Variants in LDLRAD4 observed in about 807,000 individuals in gnomAD.
LDLRAD4 encodes low-density lipoprotein receptor class A domain-containing protein 4.
LDLRAD4 carries 5 observed loss-of-function variants against 17.0 expected under a neutral mutation model. That is an observed-to-expected ratio of 0.29 (90% CI 0.15 to 0.62). The LOEUF is 0.62. LDLRAD4 is among the 20% of genes least tolerant of loss of function. The pLI is 0.84. For missense variants in LDLRAD4, 340 were observed against 424.7 expected (o/e 0.80, Z 1.75); for synonymous variants, 168 against 171.8 (o/e 0.98, Z 0.17).
At chr18:13,342,431 G>A (rs2082420912) in intron 1 of LDLRAD4, among the ~76,000 whole-genome samples, 1 of 125,476 alleles carries the variant, frequency 8.0e-6, no homozygotes, top group African/African-American at 3.0e-5. Flanking sequence ...TTATTTGGAT[G>A]TTCTGTTTCT....
chr18:13,449,184 T>C (rs1221289176), intron 3 of LDLRAD4, among the ~76,000 whole-genome samples: 1 of 152,024 alleles, frequency 6.6e-6, no homozygotes, highest in Non-Finnish European at 1.5e-5. Flanking sequence ...AGCGAGTGAG[T>C]CTGTCCTTTT....
chr18:13,282,494 G>T (rs1268856419), intron 1 of LDLRAD4, among the ~76,000 whole-genome samples: 1 of 152,192 alleles, frequency 6.6e-6, no homozygotes, highest in African/African-American at 2.4e-5. Flanking sequence ...GGGCTACAGG[G>T]CCTATGCAAG....
intron 1 of LDLRAD4, among the ~76,000 whole-genome samples, chr18:13,254,395 G>A (rs545080170): frequency 2.1e-4 from 32 of 152,300 alleles, no homozygotes; most frequent in African/African-American, 7.5e-4. Flanking sequence ...ACTGGGCCAC[G>A]GTCTGGAGAC....
In LDLRAD4 at chr18:13,633,127, G is replaced by A. The variant is rs189616362; in HGVS notation, c.337-10232G>A. The stretch of plus-strand genomic sequence containing the variant: ...AGGTCATGCCAATAAGTGTCTAGCC[G>A]TCAGTGGAGAGGAGACCTGCAGTGA... On this transcript the variant is annotated intron_variant, in intron 4 of 5. Coordinates refer to ENST00000359446, the Ensembl canonical transcript of LDLRAD4. 2.0e-3 allele frequency among the ~76,000 whole-genome samples: 302 copies of A among 152,356 alleles called. 2 individuals are homozygous for A. The highest frequency in any genetic ancestry group is 6.8e-3 in the Middle Eastern group (2 of 294).
At chr18:13,470,054 C>T (rs1455484552) in intron 3 of LDLRAD4, among the ~76,000 whole-genome samples, 1 of 152,176 alleles carries the variant, frequency 6.6e-6, no homozygotes, top group Non-Finnish European at 1.5e-5. Flanking sequence ...AGTTTTATTT[C>T]TCCTTCTCCA....
intron 3 of LDLRAD4, among the ~76,000 whole-genome samples, chr18:13,597,365 T>A (rs956962888): frequency 2.0e-5 from 3 of 152,230 alleles, no homozygotes; most frequent in African/African-American, 7.2e-5. Flanking sequence ...TCAGCATTTT[T>A]ACCATGATGT....
rs547167662 is a variant in LDLRAD4, at chr18:13,287,495, C to T, written c.-383+9307C>T. ...TTGTATCTGATAAAGAGAAACTACC[C>T]GGTGCTTCCCTCTGGAGAGTGGGTG... On this transcript the variant is annotated intron_variant, in intron 1 of 5. Coordinates refer to ENST00000359446, the Ensembl canonical transcript of LDLRAD4. Among the ~76,000 whole-genome samples, 12 of 152,264 alleles carry T rather than the reference C, an allele frequency of 7.9e-5. 1 individual carries two copies. The South Asian group carries it at 1.9e-3, about 24-fold the overall frequency.
At chr18:13,489,950 C>T (rs954273739) in intron 3 of LDLRAD4, 1 of 152,124 alleles carries the variant, frequency 6.6e-6, no homozygotes, top group African/African-American at 2.4e-5. Context: ...ATCTCTTTTT[C>T]TTCTGTAAAT....
At chr18:13,602,584 C>T (rs1396848766) in intron 3 of LDLRAD4, among the ~76,000 whole-genome samples, 3 of 150,154 alleles carry the variant, frequency 2.0e-5, no homozygotes, top group East Asian at 1.9e-4. Flanking sequence ...TTGCAACCTC[C>T]GCCTCCCGGG....
intron 3 of LDLRAD4, among the ~76,000 whole-genome samples, chr18:13,493,175 G>A (rs904069515): frequency 1.3e-5 from 2 of 152,118 alleles, no homozygotes; most frequent in Non-Finnish European, 2.9e-5. Context: ...TTGACATATT[G>A]CCTACAGCCA....
intron 3 of LDLRAD4, chr18:13,471,174 T>C (rs1600606927): frequency 1.3e-5 from 2 of 152,276 alleles, no homozygotes; most frequent in East Asian, 3.9e-4. Flanking sequence ...TGGCTTGTGA[T>C]TGGGCCCCAA....
At chr18:13,612,598 C>A in intron 3 of LDLRAD4, 2 of 1,551,586 alleles carry the variant, frequency 1.3e-6, no homozygotes, top group Non-Finnish European at 1.7e-6. Flanking sequence ...CCAGCTATAA[C>A]TGCAGCTCTG....
chr18:13,450,334 C>CCG (rs1568173405), intron 3 of LDLRAD4, among the ~76,000 whole-genome samples: 6 of 124,864 alleles, frequency 4.8e-5, no homozygotes, highest in Non-Finnish European at 8.8e-5. Flanking sequence ...CCACCCCCCC[C>CCG]CCCAAAAAAA....
At chr18:13,235,992 T>C (rs1213695829) in intron 1 of LDLRAD4, among the ~76,000 whole-genome samples, 2 of 152,254 alleles carry the variant, frequency 1.3e-5, no homozygotes, top group Non-Finnish European at 2.9e-5. Flanking sequence ...TTCCTGTTTT[T>C]ATAATGAGAA....
chr18:13,387,492 G>A (rs1005279101), exon 2 of LDLRAD4: 4 of 476,506 alleles, frequency 8.4e-6, no homozygotes, highest in African/African-American at 2.1e-5. Context: ...TGGCCTCCGC[G>A]CCCTGGCTGG....
intron 2 of LDLRAD4, among the ~76,000 whole-genome samples, chr18:13,434,177 TTG>T (rs10601464): frequency 0.38 from 57,285 of 151,400 alleles, 12,018 homozygotes; most frequent in Non-Finnish European, 0.48. Context: ...GTGGAGAAGA[TTG>T]TGTTATTACC....
chr18:13,629,785 A>G lies in LDLRAD4; in HGVS notation c.336+8514A>G, dbSNP rs2041500075. Among the ~76,000 whole-genome samples the G allele has an allele frequency of 2.6e-5, 4 of 151,826 alleles. No individual in the cohort carries two copies. The South Asian group carries it at 8.3e-4, about 32-fold the overall frequency. On this transcript the variant is annotated intron_variant, in intron 4 of 5. Coordinates refer to ENST00000359446, the Ensembl canonical transcript of LDLRAD4. ...TTGGTGTGGTTTGTTCTGAAAAAAA[A>G]AAAGAGAAGAAGATTAAAAATTATC...
chr18:13,370,719 T>TTTTTTTTTTGTTTG lies in LDLRAD4; in HGVS notation c.-382-16612_-382-16611insTTTGTTTTTTTTTG, dbSNP rs1555663311. ...TTTCATGGTTTTTTGTTTTGTTTTT[T>TTTTTTTTTTGTTTG]TTTTTTTTTGAGATGGATTCTTGCT... On this transcript the variant is annotated intron_variant, in intron 1 of 5. Coordinates refer to ENST00000359446, the Ensembl canonical transcript of LDLRAD4. 1.1e-4 allele frequency among the ~76,000 whole-genome samples: 16 copies of TTTTTTTTTTGTTTG among 144,912 alleles called. 1 individual carries two copies. The highest frequency in any genetic ancestry group is 4.5e-4 in the South Asian group (2 of 4,484).
intron 3 of LDLRAD4, among the ~76,000 whole-genome samples, chr18:13,454,517 A>G (rs544194749): frequency 2.9e-4 from 44 of 152,100 alleles, no homozygotes; most frequent in African/African-American, 9.9e-4. Flanking sequence ...CTCACTCCTT[A>G]TTTTCGTGCT....
Sources: allele counts gnomAD v4.1 joint callset (sites outside exome capture counted in the v4.1 genomes callset), GRCh38; gene constraint gnomAD v4.1.1; transcripts MANE v1.5; gene names NCBI Gene and HGNC (gene_info 2026-07-23, HGNC 2026-07-21).